SLC25A25: variants seen among roughly 807,000 people sequenced by gnomAD.
SLC25A25 encodes mitochondrial adenyl nucleotide antiporter SLC25A25.
Under a neutral mutation model 57.7 loss-of-function variants are expected in SLC25A25, and 32 were observed. The ratio of observed to expected loss-of-function variants is 0.55; its 90% CI spans 0.42 to 0.74. The LOEUF is 0.74. SLC25A25 is among the 30% of genes least tolerant of loss of function. SLC25A25 has a pLI of 0.00. For synonymous variants in SLC25A25, 306 were observed against 291.2 expected, an observed-to-expected ratio of 1.05 and a Z score of -0.52; for missense variants, 556 against 701.3, an observed-to-expected ratio of 0.79 and a Z score of 2.34.
chr9:128,103,810 C>A lies in SLC25A25; in HGVS notation c.754C>A (p.Pro252Thr), dbSNP rs1028638992. 1 of 1,610,462 alleles carries A rather than the reference C, an allele frequency of 6.2e-7. No homozygotes were observed. The highest frequency in any genetic ancestry group is 8.5e-7 in the Non-Finnish European group (1 of 1,178,188). ...GGCCGTATCCAGAACCTGCACGGCC[C>A]CCCTGGACAGGCTCAAGGTGCTCAT... ...AGAVSRTCTA[P>T]LDRLKVLMQV... Residue 252 changes from proline (P) to threonine (T), a missense_variant, in exon 6 of 11, where the codon CCC (proline) becomes ACC (threonine). Transcript: ENST00000373069. This position sits in a 1 kb window ranked among gnomAD's most constrained non-coding sequence, Gnocchi z 6.7.
rs184653172 is a variant in SLC25A25, at chr9:128,099,696, C to G, written c.262-1400C>G. ...GCCCCTCACATTAGCCTTTTGATCGCGCCAGGTCATGGGGTATCTGTTCAG... is the reference window on the plus strand; with the variant it reads ...GCCCCTCACATTAGCCTTTTGATCGGGCCAGGTCATGGGGTATCTGTTCAG... On this transcript the variant is annotated intron_variant, in intron 1 of 10. Transcript: ENST00000373069. The surrounding 1 kb of genome is among the most constrained non-coding windows in gnomAD (Gnocchi z 6.8). Among the ~76,000 whole-genome samples, 1 of 152,206 alleles carries G rather than the reference C, an allele frequency of 6.6e-6. No individual in the cohort carries two copies. The highest frequency in any genetic ancestry group is 2.4e-5 in the African/African-American group (1 of 41,456).
intron 1 of SLC25A25, among the ~76,000 whole-genome samples, chr9:128,096,009 T>C (rs1833546566): frequency 6.6e-6 from 1 of 152,226 alleles, no homozygotes; most frequent in African/African-American, 2.4e-5. Context: ...TGCTTTTTTA[T>C]ATTAGAATGA....
chr9:128,100,453 A>G (rs1389894348), intron 1 of SLC25A25, among the ~76,000 whole-genome samples: 2 of 152,156 alleles, frequency 1.3e-5, no homozygotes, highest in Admixed American at 6.5e-5. Context: ...GGGCAGCTCT[A>G]TCACCTGGCT....
chr9:128,080,229 TAA>T (rs890781691), intron 1 of SLC25A25, among the ~76,000 whole-genome samples: 2 of 97,158 alleles, frequency 2.1e-5, no homozygotes, highest in Admixed American at 1.2e-4. Flanking sequence ...ATACCCCATC[TAA>T]AAAAAAAAAA....
intron 1 of SLC25A25, among the ~76,000 whole-genome samples, chr9:128,092,789 A>T (rs954686498): frequency 6.6e-6 from 1 of 152,204 alleles, no homozygotes; most frequent in Non-Finnish European, 1.5e-5. Context: ...GAATGGTTAC[A>T]TTATTTGCCC....
intron 1 of SLC25A25, chr9:128,091,500 T>A: frequency 2.0e-6 from 2 of 988,856 alleles, no homozygotes; most frequent in Non-Finnish European, 2.4e-6. Context: ...TCGAAGTTGC[T>A]TGCTGCCTCC....
chr9:128,097,176 G>A (rs115314108), intron 1 of SLC25A25, among the ~76,000 whole-genome samples: 190 of 152,302 alleles, frequency 1.2e-3, no homozygotes, highest in African/African-American at 3.9e-3. Flanking sequence ...AGGAAGTGGC[G>A]CACTGTAGAA....
rs951607979 is a variant in SLC25A25, at chr9:128,102,733, ATGCTCCC to A, written c.624+266_624+272del. 6.6e-5 allele frequency among the ~76,000 whole-genome samples: 10 copies of A among 152,188 alleles called. No homozygotes were observed. The highest frequency in any genetic ancestry group is 2.1e-4 in the South Asian group (1 of 4,824). On this transcript the variant is annotated intron_variant, in intron 5 of 10. Coordinates refer to ENST00000373069, the MANE Select transcript of SLC25A25 (RefSeq NM_001330988.2). This position sits in a 1 kb window ranked among gnomAD's most constrained non-coding sequence, Gnocchi z 4.1. ...TTCCAGGAACACCCTCCGTCCCCAC[ATGCTCCC>A]TGCTCCCTGCTCCTCATGGGCCACT...
intron 1 of SLC25A25, among the ~76,000 whole-genome samples, chr9:128,090,578 AG>A (rs905077723): frequency 2.9e-3 from 434 of 150,048 alleles, no homozygotes; most frequent in Non-Finnish European, 4.9e-3. Context: ...TGGGAGGCCA[AG>A]GTGGATGGAT....
intron 1 of SLC25A25, among the ~76,000 whole-genome samples, chr9:128,094,854 A>G (rs1833513633): frequency 6.6e-6 from 1 of 152,206 alleles, no homozygotes; most frequent in Admixed American, 6.5e-5. Flanking sequence ...ATTAATTGCA[A>G]TCTGATGCCA....
intron 1 of SLC25A25, among the ~76,000 whole-genome samples, chr9:128,093,640 G>T (rs1227858263): frequency 6.6e-6 from 1 of 152,264 alleles, no homozygotes; most frequent in Admixed American, 6.5e-5. Context: ...GGGGCAGCTG[G>T]TTGGGCTTGA....
chr9:128,089,444 A>T (rs749863450), intron 1 of SLC25A25, among the ~76,000 whole-genome samples: 2 of 152,142 alleles, frequency 1.3e-5, no homozygotes, highest in African/African-American at 2.4e-5. Flanking sequence ...AAGATTACAC[A>T]GCTAATAAGT....
At chr9:128,091,565 A>AAAAG (rs1833407060) in intron 1 of SLC25A25, 2 of 1,039,076 alleles carry the variant, frequency 1.9e-6, no homozygotes, top group African/African-American at 1.7e-5. Context: ...TTTTTTTAAA[A>AAAAG]AAAAGCCAAA....
rs1833810246 is a variant in SLC25A25, at chr9:128,101,850, A to G, written c.477-230A>G. Among the ~76,000 whole-genome samples the G allele has an allele frequency of 6.6e-6, 1 of 152,152 alleles. No homozygotes were observed. The highest frequency in any genetic ancestry group is 2.4e-5 in the African/African-American group (1 of 41,426). On this transcript the variant is annotated intron_variant, in intron 3 of 10. Transcript: ENST00000373069. The surrounding 1 kb of genome is among the most constrained non-coding windows in gnomAD (Gnocchi z 4.9). ...GGCGGCTGCCAGGAAATCTCATGGA[A>G]CAGCCCTGGGAGTTGCCGTCTGTCC...
At chr9:128,087,011 T>G (rs1833291069) in intron 1 of SLC25A25, among the ~76,000 whole-genome samples, 1 of 151,884 alleles carries the variant, frequency 6.6e-6, no homozygotes, top group East Asian at 2.0e-4. Flanking sequence ...GGTCAGGAGT[T>G]CAAGACCAGC....
intron 1 of SLC25A25, among the ~76,000 whole-genome samples, chr9:128,077,504 A>C (rs1236187894): frequency 1.3e-5 from 2 of 149,804 alleles, no homozygotes; most frequent in Non-Finnish European, 3.0e-5. Context: ...GCGACAGAGC[A>C]AGACTCCGTC....
At chr9:128,091,451 G>T in intron 1 of SLC25A25, 8 of 986,084 alleles carry the variant, frequency 8.1e-6, no homozygotes, top group Non-Finnish European at 9.6e-6. Flanking sequence ...CGGGTCCTCG[G>T]CTTGGGTGAT....
chr9:128,069,918 AT>A (rs758820179), intron 1 of SLC25A25, among the ~76,000 whole-genome samples: 192 of 103,046 alleles, frequency 1.9e-3, no homozygotes, highest in Non-Finnish European at 2.7e-3. Flanking sequence ...CACCCAGCTA[AT>A]TTTTTTTTTT....
Position 128,068,292 on chromosome 9 carries a change from C to A in SLC25A25, c.-28C>A. The A allele has an allele frequency of 5.5e-6, 7 of 1,270,634 alleles. No homozygotes were observed. Among genetic ancestry groups the A allele is most frequent in the East Asian group, 3.1e-5 (1 of 31,808 alleles). 78.7% of individuals were successfully genotyped at this position (1,270,634 alleles called of 1,614,324 possible). ...CCGGCCCGCCGCCCCCGCTCCCGCC[C>A]GCGCCCGGAGCCCCTGCCTCGCGCC... On this transcript the variant is annotated 5_prime_UTR_variant, in exon 1 of 11. Coordinates refer to ENST00000373069, the MANE Select transcript of SLC25A25 (RefSeq NM_001330988.2).
Sources: gnomAD v4.1 joint callset for allele counts (sites outside exome capture counted in the v4.1 genomes callset) on GRCh38, gnomAD v4.1.1 for gene constraint, Gnocchi (gnomAD v3.1) non-coding constraint, MANE v1.5 for transcripts, NCBI Gene and HGNC (gene_info 2026-07-23, HGNC 2026-07-21) for gene names.